Variants in EXTL3 observed in about 807,000 individuals in gnomAD.
The protein encoded by EXTL3 is exostosin like glycosyltransferase 3.
Under a neutral mutation model 69.3 loss-of-function variants are expected in EXTL3, and 27 were observed. That is an observed-to-expected ratio of 0.39 (90% CI 0.29 to 0.54). EXTL3 has a LOEUF of 0.54. Ranked by LOEUF, EXTL3 falls within the 20% of genes least tolerant of loss-of-function variation. The pLI is 0.69. For missense variants in EXTL3, 1,003 were observed against 1,231.8 expected, an observed-to-expected ratio of 0.81 and a Z score of 2.78; for synonymous variants, 511 against 499.4, an observed-to-expected ratio of 1.02 and a Z score of -0.31.
chr8:28,664,546 T>C (rs1807164823), intron 1 of EXTL3, among the ~76,000 whole-genome samples: 1 of 152,026 alleles, frequency 6.6e-6, no homozygotes, highest in Admixed American at 6.6e-5. Flanking sequence ...GTGGAATGAG[T>C]GGTGGTAAAC....
At chr8:28,669,866 T>C (rs1563442388) in intron 1 of EXTL3, among the ~76,000 whole-genome samples, 1 of 152,138 alleles carries the variant, frequency 6.6e-6, no homozygotes, top group Non-Finnish European at 1.5e-5. Flanking sequence ...CACTGAGTCA[T>C]TGAATCTGAA....
chr8:28,611,284 T>G (rs1232579759), intron 2 of EXTL3, among the ~76,000 whole-genome samples: 1 of 152,052 alleles, frequency 6.6e-6, no homozygotes, highest in Non-Finnish European at 1.5e-5. Flanking sequence ...GACCTCATCT[T>G]TACAAAAAAT....
upstream of EXTL3, among the ~76,000 whole-genome samples, chr8:28,699,124 G>A (rs1019814216): frequency 1.3e-5 from 2 of 152,120 alleles, no homozygotes; most frequent in African/African-American, 4.8e-5. Flanking sequence ...AGCCGTGATC[G>A]CACTACTGCA....
At chr8:28,702,584 C>T (rs1585261354) in intron 1 of EXTL3, among the ~76,000 whole-genome samples, 2 of 149,920 alleles carry the variant, frequency 1.3e-5, no homozygotes, top group East Asian at 2.0e-4. Context: ...ACCCCACCCC[C>T]GCCCTTCCCC....
At chr8:28,620,439 A>T (rs1806395770), upstream of EXTL3, among the ~76,000 whole-genome samples, 1 of 152,194 alleles carries the variant, frequency 6.6e-6, no homozygotes. Context: ...TGTGCCATCC[A>T]AGAATGGGGA....
chr8:28,656,540 A>G (rs187520606), intron 1 of EXTL3, among the ~76,000 whole-genome samples: 18 of 152,264 alleles, frequency 1.2e-4, no homozygotes, highest in Admixed American at 4.6e-4. Context: ...TTATAATCAA[A>G]AGAGTCCTGA....
chr8:28,719,021 G>A (rs1215146571), intron 3 of EXTL3, among the ~76,000 whole-genome samples: 2 of 152,260 alleles, frequency 1.3e-5, no homozygotes, highest in East Asian at 1.9e-4. Context: ...TGCAGCCTTA[G>A]AGCAGGTCTT....
intron 1 of EXTL3, among the ~76,000 whole-genome samples, chr8:28,688,253 C>T (rs964710726): frequency 4.6e-5 from 7 of 151,810 alleles, no homozygotes; most frequent in Admixed American, 3.9e-4. Flanking sequence ...TTAGTAGAGA[C>T]GGGGTTTCAC....
upstream of EXTL3, among the ~76,000 whole-genome samples, chr8:28,622,127 G>C (rs1365017449): frequency 6.6e-6 from 1 of 152,210 alleles, no homozygotes; most frequent in Non-Finnish European, 1.5e-5. Flanking sequence ...AACGACGCGT[G>C]CAGGTTTCTC....
chr8:28,683,826 T>C (rs1392912030), intron 1 of EXTL3, among the ~76,000 whole-genome samples: 16 of 151,916 alleles, frequency 1.1e-4, no homozygotes, highest in Non-Finnish European at 2.2e-4. Context: ...AAAAAAATTA[T>C]TGCTGTCTAT....
chr8:28,737,608 C>G lies in EXTL3; in HGVS notation c.2366C>G (p.Ser789Cys). The change falls in exon 5 of 7, where the codon TCC becomes TGC. Residue 789 changes from serine to cysteine, a missense_variant. This residue lies in a region of EXTL3 where 261 missense variants were observed against 416.4 expected (regional missense o/e 0.63). Transcript: ENST00000220562. ...CCCCATCAGTCCTGGCTCTACAACT[C>G]CAACTACTCCTGTGAGCTGTCCATG... ...DIPHQSWLYN[S>C]NYSCELSMVL... 6.2e-7 allele frequency: 1 copy of G among 1,614,110 alleles called. No individual in the cohort carries two copies.
At chr8:28,711,006 G>A (rs1801021144) in intron 1 of EXTL3, among the ~76,000 whole-genome samples, 2 of 152,160 alleles carry the variant, frequency 1.3e-5, no homozygotes, top group South Asian at 4.1e-4. Flanking sequence ...TCTGGGGCTG[G>A]AGATTTCTTT....
intron 1 of EXTL3, among the ~76,000 whole-genome samples, chr8:28,660,713 C>A (rs1383226594): frequency 6.6e-6 from 1 of 152,042 alleles, no homozygotes; most frequent in Non-Finnish European, 1.5e-5. Flanking sequence ...CATTCCCCAT[C>A]CCCCGGCAAC....
chr8:28,609,670 G>A (rs1032750139), intron 2 of EXTL3, among the ~76,000 whole-genome samples: 2 of 151,822 alleles, frequency 1.3e-5, no homozygotes, highest in Non-Finnish European at 2.9e-5. Flanking sequence ...TGGATCTCTG[G>A]TGGAGCCCAG....
At chr8:28,688,839 C>T (rs185480212) in intron 1 of EXTL3, among the ~76,000 whole-genome samples, 1 of 152,306 alleles carries the variant, frequency 6.6e-6, no homozygotes, top group Non-Finnish European at 1.5e-5. Flanking sequence ...AATGGAGCAC[C>T]TAGTTTCAGA....
intron 1 of EXTL3, among the ~76,000 whole-genome samples, chr8:28,659,641 G>C (rs997940692): frequency 2.6e-5 from 4 of 152,044 alleles, no homozygotes; most frequent in Non-Finnish European, 5.9e-5. Flanking sequence ...GCAACCCCAG[G>C]GTCGCCCCAA....
At chr8:28,737,025 G>A (rs1350531609) in intron 4 of EXTL3, among the ~76,000 whole-genome samples, 3 of 152,140 alleles carry the variant, frequency 2.0e-5, no homozygotes, top group African/African-American at 7.2e-5. Flanking sequence ...TGCCCAGGCT[G>A]GTCTCCAGCT....
rs1806999648 is a variant in EXTL3 at position 28,655,725 on chromosome 8, C to T, written c.-53+32915C>T. 2.6e-5 allele frequency among the ~76,000 whole-genome samples: 4 copies of T among 152,190 alleles called. No individual in the cohort carries two copies. The South Asian group carries it at 8.3e-4, about 31-fold the overall frequency. ...CCTAGGCTTGTCTTGAACTCTTGGG[C>T]TCAAGCGATCCACCAGCCTCGGCCT... On this transcript the variant is annotated intron_variant, in intron 1 of 6. Coordinates refer to the EXTL3 transcript ENST00000523149.
intron 4 of EXTL3, among the ~76,000 whole-genome samples, chr8:28,734,241 T>A (rs1801600303): frequency 1.3e-5 from 2 of 152,258 alleles, no homozygotes; most frequent in African/African-American, 4.8e-5. Context: ...GCTTTCTTGA[T>A]GGTATTATTT....
Sources: gnomAD v4.1 joint callset for allele counts (sites outside exome capture counted in the v4.1 genomes callset) on GRCh38, gnomAD v4.1.1 for gene constraint, gnomAD v4.1.1 regional missense constraint, MANE v1.5 for transcripts, NCBI Gene and HGNC (gene_info 2026-07-23, HGNC 2026-07-21) for gene names.